Variants in NPTN observed in about 807,000 individuals in gnomAD.
NPTN encodes neuroplastin, also known as SDR-1.
In NPTN, 5 loss-of-function variants were observed where a neutral mutation model predicts 42.7. The observed-to-expected ratio is 0.12, with a 90% CI of 0.06 to 0.25. The LOEUF (loss-of-function observed/expected upper bound fraction) is 0.25, where lower values mean the gene tolerates loss of function less well. NPTN is among the 10% of genes least tolerant of loss of function. The probability of loss-of-function intolerance (pLI) is 1.00; values close to 1 mark genes in which losing one functional copy is unlikely to be tolerated. For missense variants in NPTN, 307 were observed against 525.4 expected (o/e 0.58, Z 4.06); for synonymous variants, 180 against 201.9 (o/e 0.89, Z 0.92).
intron 2 of NPTN, among the ~76,000 whole-genome samples, chr15:73,592,750 A>G (rs1896652933): frequency 1.3e-5 from 2 of 152,212 alleles, no homozygotes; most frequent in East Asian, 3.8e-4. Flanking sequence ...AAGCATCATC[A>G]GTTCCTCCTC....
intron 1 of NPTN, among the ~76,000 whole-genome samples, chr15:73,628,407 A>G (rs1898542050): frequency 6.6e-6 from 1 of 152,244 alleles, no homozygotes; most frequent in African/African-American, 2.4e-5. Flanking sequence ...CACTGCAAAC[A>G]GTAAATTGAA....
intron 4 of NPTN, among the ~76,000 whole-genome samples, chr15:73,583,392 C>A (rs1321781910): frequency 6.6e-6 from 1 of 152,034 alleles, no homozygotes. Context: ...TGACACTGGG[C>A]CAGTTATTCC....
chr15:73,580,818 G>A (rs935090229), intron 4 of NPTN, among the ~76,000 whole-genome samples: 16 of 151,956 alleles, frequency 1.1e-4, no homozygotes, highest in African/African-American at 2.4e-4. Flanking sequence ...TTAGTGTAGC[G>A]TAAAGAGCAG....
At chr15:73,623,560 G>A (rs1318116011) in intron 1 of NPTN, among the ~76,000 whole-genome samples, 4 of 152,070 alleles carry the variant, frequency 2.6e-5, no homozygotes, top group East Asian at 1.9e-4. Context: ...GGAGGTATGC[G>A]CCTGTGGTCC....
intron 4 of NPTN, among the ~76,000 whole-genome samples, chr15:73,576,060 T>C (rs777188854): frequency 2.8e-4 from 42 of 152,228 alleles, no homozygotes; most frequent in Non-Finnish European, 4.7e-4. Context: ...CTGGTCACCC[T>C]TTCTCAGAGC....
intron 1 of NPTN, among the ~76,000 whole-genome samples, chr15:73,625,114 A>G (rs1323177240): frequency 6.6e-6 from 1 of 152,240 alleles, no homozygotes; most frequent in African/African-American, 2.4e-5. Flanking sequence ...AATAAACAAA[A>G]GCCCCAAACT....
chr15:73,566,950 T>G, intron 6 of NPTN: 1 of 891,078 alleles, frequency 1.1e-6, no homozygotes, highest in Non-Finnish European at 1.3e-6. Context: ...GGTGTTTTCA[T>G]GTAGGAAATG....
chr15:73,567,719 G>C (rs1458841927), intron 6 of NPTN: 3 of 985,306 alleles, frequency 3.0e-6, no homozygotes, highest in Non-Finnish European at 3.6e-6. Flanking sequence ...GAAAGAGACA[G>C]AGGAGAAAAA....
At chr15:73,617,397 T>C (rs1364910591) in intron 1 of NPTN, among the ~76,000 whole-genome samples, 1 of 152,220 alleles carries the variant, frequency 6.6e-6, no homozygotes, top group Non-Finnish European at 1.5e-5. Flanking sequence ...TAATTCAGTA[T>C]CAAAATGTTG....
intron 4 of NPTN, among the ~76,000 whole-genome samples, chr15:73,582,451 C>A (rs980035749): frequency 6.6e-6 from 1 of 152,174 alleles, no homozygotes; most frequent in Non-Finnish European, 1.5e-5. Flanking sequence ...GCTCAACAAG[C>A]ATTCTCCACC....
chr15:73,618,270 TA>T (rs1043228907), intron 1 of NPTN, among the ~76,000 whole-genome samples: 2 of 151,948 alleles, frequency 1.3e-5, no homozygotes, highest in East Asian at 1.9e-4. Context: ...TTAAAAGAGT[TA>T]AAAAAAATAT....
Position 73,566,506 on chromosome 15 carries a change from T to C in NPTN, c.1115-3249A>G, listed in dbSNP as rs11857070. ...TTTCTTAAATCAGCTCCTGTTTTAA[T>C]TTGCTGTCTGTGAGGTCACTAAAAT... is the stretch of plus-strand genomic sequence containing the variant. On this transcript the variant is annotated intron_variant, in intron 6 of 8. Coordinates refer to ENST00000345330, the MANE Select transcript of NPTN (RefSeq NM_012428.4). Among the ~76,000 whole-genome samples, 1,477 of 152,284 alleles carry C rather than the reference T, an allele frequency of 9.7e-3. 28 individuals carry two copies. The highest frequency in any genetic ancestry group is 0.034 in the African/African-American group (1,412 of 41,560).
chr15:73,597,146 C>T lies in NPTN; in HGVS notation c.315G>A (p.Arg105=). The change falls in exon 2 of 9, where the codon CGG becomes CGA. Residue 105 remains arginine (R), a synonymous_variant. Transcript: ENST00000345330. This position sits in a 1 kb window ranked among gnomAD's most constrained non-coding sequence, Gnocchi z 6.3. Reference sequence around the variant, plus strand: ...AAGTCCCAGAGTCCTCCAAGGTGAGCCGGGTTATTCTCAGCACACTCACGC... The same window carrying T: ...AAGTCCCAGAGTCCTCCAAGGTGAGTCGGGTTATTCTCAGCACACTCACGC... ...SNGVSVLRIT[R]LTLEDSGTYE... is the part of the protein sequence containing the mutation. 6.2e-7 allele frequency: 1 copy of T among 1,614,106 alleles called. No homozygotes were observed. The highest frequency in any genetic ancestry group is 1.6e-4 in the Middle Eastern group (1 of 6,062).
chr15:73,613,470 G>T (rs895192938), intron 1 of NPTN, among the ~76,000 whole-genome samples: 2 of 152,012 alleles, frequency 1.3e-5, no homozygotes, highest in African/African-American at 4.8e-5. Flanking sequence ...GATTTTAAAT[G>T]GTAGTATACA....
chr15:73,590,891 G>C (rs1211525443), intron 3 of NPTN, among the ~76,000 whole-genome samples: 1 of 151,858 alleles, frequency 6.6e-6, no homozygotes, highest in East Asian at 1.9e-4. Flanking sequence ...AAATTGCTGA[G>C]GCTAAATTTC....
chr15:73,572,467 A>T (rs1895464707), intron 5 of NPTN, among the ~76,000 whole-genome samples: 1 of 152,216 alleles, frequency 6.6e-6, no homozygotes, highest in Non-Finnish European at 1.5e-5. Context: ...GTTCTCTTTG[A>T]CATTTTCTGG....
chr15:73,624,952 A>G (rs985158530), intron 1 of NPTN, among the ~76,000 whole-genome samples: 1 of 152,218 alleles, frequency 6.6e-6, no homozygotes, highest in African/African-American at 2.4e-5. Context: ...AAATCGCTAT[A>G]TATAATGGCT....
chr15:73,622,713 T>C (rs1188498066), intron 1 of NPTN, among the ~76,000 whole-genome samples: 1 of 152,200 alleles, frequency 6.6e-6, no homozygotes, highest in Non-Finnish European at 1.5e-5. Flanking sequence ...ATTTTGTCCA[T>C]ATTAAATCTA....
At chr15:73,609,328 T>C (rs566492406) in intron 1 of NPTN, among the ~76,000 whole-genome samples, 13 of 152,302 alleles carry the variant, frequency 8.5e-5, no homozygotes, top group African/African-American at 2.2e-4. Flanking sequence ...TGTAATGCTA[T>C]TAGCCTTTAC....
Sources: allele counts gnomAD v4.1 joint callset (sites outside exome capture counted in the v4.1 genomes callset), GRCh38; gene constraint gnomAD v4.1.1; non-coding constraint Gnocchi (gnomAD v3.1); transcripts MANE v1.5; gene names NCBI Gene and HGNC (gene_info 2026-07-23, HGNC 2026-07-21).